CSMD1: variants seen among roughly 807,000 people sequenced by gnomAD.
The protein encoded by CSMD1 is CUB and Sushi multiple domains 1.
CSMD1 carries 213 observed loss-of-function variants against 417.5 expected under a neutral mutation model. That is an observed-to-expected ratio of 0.51 (90% CI 0.46 to 0.57). The LOEUF (loss-of-function observed/expected upper bound fraction) is 0.57, where lower values mean the gene tolerates loss of function less well. Ranked by LOEUF, CSMD1 falls within the 20% of genes least tolerant of loss-of-function variation. CSMD1 has a pLI of 0.00. For synonymous variants in CSMD1, 2,862 were observed against 1,736.8 expected, an observed-to-expected ratio of 1.65 and a Z score of -16.11; for missense variants, 6,923 against 4,529.7, an observed-to-expected ratio of 1.53 and a Z score of -15.17.
chr8:4,283,407 G>C (rs981503836), intron 3 of CSMD1, among the ~76,000 whole-genome samples: 3 of 152,128 alleles, frequency 2.0e-5, no homozygotes, highest in Non-Finnish European at 2.9e-5. Flanking sequence ...TTAATTCTAA[G>C]AACACATTCT....
intron 2 of CSMD1, among the ~76,000 whole-genome samples, chr8:4,502,571 A>C (rs1264349025): frequency 6.6e-6 from 1 of 152,168 alleles, no homozygotes; most frequent in Non-Finnish European, 1.5e-5. Context: ...TCAGACAAAA[A>C]ACTTGTTTAA....
chr8:4,793,595 T>C (rs539994705), intron 1 of CSMD1, among the ~76,000 whole-genome samples: 159 of 152,048 alleles, frequency 1.0e-3, no homozygotes, highest in Admixed American at 3.0e-3. Context: ...GTTTGAGGCA[T>C]TGCTCACTAT....
intron 1 of CSMD1, among the ~76,000 whole-genome samples, chr8:4,695,862 C>A (rs923473546): frequency 3.3e-5 from 5 of 152,068 alleles, no homozygotes; most frequent in Non-Finnish European, 7.4e-5. Flanking sequence ...GACTGGTGGC[C>A]CACCACTCTT....
At chr8:4,964,250 A>C (rs1212752102) in intron 1 of CSMD1, among the ~76,000 whole-genome samples, 1 of 152,098 alleles carries the variant, frequency 6.6e-6, no homozygotes, top group African/African-American at 2.4e-5. Context: ...ATGGTGGCTA[A>C]CACCTGTAAT....
chr8:3,223,683 G>T lies in CSMD1; in HGVS notation c.4484+46C>A, dbSNP rs768669509. ...ATAAAAGAAGTAATTTTTAGGTATG[G>T]AATTAAAAATCCTACTAAAAAGAGG... On this transcript the variant is annotated intron_variant, in intron 28 of 69. Transcript: ENST00000635120. The T allele has an allele frequency of 2.5e-6, 4 of 1,592,276 alleles. No individual in the cohort carries two copies. The African/African-American group carries it at 4.0e-5, about 16-fold the overall frequency.
chr8:4,413,860 T>C (rs1796785422), intron 3 of CSMD1, among the ~76,000 whole-genome samples: 5 of 152,174 alleles, frequency 3.3e-5, no homozygotes, highest in Admixed American at 2.0e-4. Flanking sequence ...GGAAGGAATG[T>C]GTTTACAGGA....
chr8:3,402,457 G>A (rs1445565833), intron 15 of CSMD1, among the ~76,000 whole-genome samples: 2 of 152,112 alleles, frequency 1.3e-5, no homozygotes, highest in East Asian at 3.9e-4. Flanking sequence ...CCACTGAGCT[G>A]CATTGAGGAA....
intron 3 of CSMD1, among the ~76,000 whole-genome samples, chr8:4,364,269 A>G (rs185263256): frequency 6.6e-6 from 1 of 152,318 alleles, no homozygotes; most frequent in African/African-American, 2.4e-5. Flanking sequence ...GGCAGAAAGG[A>G]TTACAACTTT....
At chr8:3,937,220 T>C (rs751109522) in intron 5 of CSMD1, among the ~76,000 whole-genome samples, 2 of 152,186 alleles carry the variant, frequency 1.3e-5, no homozygotes, top group African/African-American at 2.4e-5. Flanking sequence ...CAAAAGATTG[T>C]GATTATTTCA....
At chr8:4,628,417 T>TAC (rs1302775493) in intron 2 of CSMD1, among the ~76,000 whole-genome samples, 9 of 124,050 alleles carry the variant, frequency 7.3e-5, no homozygotes, top group African/African-American at 1.5e-4. Flanking sequence ...CACATATATA[T>TAC]ACATATATAT....
chr8:4,897,563 A>G (rs915076322), intron 1 of CSMD1, among the ~76,000 whole-genome samples: 1 of 152,084 alleles, frequency 6.6e-6, no homozygotes, highest in African/African-American at 2.4e-5. Flanking sequence ...ATAGATTGCA[A>G]TTTGTTACTC....
At chr8:4,251,159 G>C (rs951386930) in intron 3 of CSMD1, among the ~76,000 whole-genome samples, 1 of 151,876 alleles carries the variant, frequency 6.6e-6, no homozygotes, top group Non-Finnish European at 1.5e-5. Context: ...AGGTATACAA[G>C]GCCAATGAAG....
chr8:3,775,779 C>T (rs543579490), intron 5 of CSMD1, among the ~76,000 whole-genome samples: 7 of 152,284 alleles, frequency 4.6e-5, no homozygotes, highest in South Asian at 2.1e-4. Context: ...ACAAAAGGTC[C>T]ACGAAGCATT....
intron 1 of CSMD1, among the ~76,000 whole-genome samples, chr8:4,867,862 T>C (rs544356958): frequency 1.3e-5 from 2 of 152,246 alleles, no homozygotes; most frequent in African/African-American, 4.8e-5. Context: ...TTTTATATCA[T>C]TACAGTATTA....
At chr8:4,236,026 G>GC (rs1420352173) in intron 3 of CSMD1, among the ~76,000 whole-genome samples, 3,035 of 107,294 alleles carry the variant, frequency 0.028, 105 homozygotes, top group African/African-American at 0.059. Context: ...AATGGATATT[G>GC]TTTTTTTTGT....
At chr8:3,053,387 G>A (rs142153456) in intron 49 of CSMD1, among the ~76,000 whole-genome samples, 6 of 151,516 alleles carry the variant, frequency 4.0e-5, no homozygotes, top group African/African-American at 1.5e-4. Flanking sequence ...CTTTGGTGTC[G>A]AAATTCCTAA....
intron 5 of CSMD1, among the ~76,000 whole-genome samples, chr8:3,765,168 T>C (rs548093206): frequency 6.6e-6 from 1 of 152,210 alleles, no homozygotes; most frequent in Non-Finnish European, 1.5e-5. Flanking sequence ...TCATTTCTTA[T>C]CACGCCCTTT....
At chr8:4,072,270 T>C (rs1357802373) in intron 3 of CSMD1, among the ~76,000 whole-genome samples, 1 of 152,184 alleles carries the variant, frequency 6.6e-6, no homozygotes, top group Non-Finnish European at 1.5e-5. Flanking sequence ...TATTTGGCCA[T>C]CCTGAATTGC....
rs11414439 is a variant in CSMD1 at position 3,235,916 on chromosome 8, G to GTTTT, written c.4154-5689_4154-5686dup. On this transcript the variant is annotated intron_variant, in intron 26 of 69. Coordinates refer to ENST00000635120, the MANE Select transcript of CSMD1 (RefSeq NM_033225.6). ...TTATGCCAGTTATATGAAGATGTAA[G>GTTTT]TTTTTTTTTTTTTTTTTTTGAGACA... Among the ~76,000 whole-genome samples, 275 of 119,302 alleles carry GTTTT rather than the reference G, an allele frequency of 2.3e-3. 13 individuals are homozygous for GTTTT. The highest frequency in any genetic ancestry group is 6.4e-3 in the African/African-American group (202 of 31,702). 78.3% of individuals were successfully genotyped at this position (119,302 alleles called of 152,430 possible). A position where few individuals can be genotyped will look rare whatever the true frequency, so the allele number is the denominator to read the frequency against.
Sources: allele counts gnomAD v4.1 joint callset (sites outside exome capture counted in the v4.1 genomes callset), GRCh38; gene constraint gnomAD v4.1.1; transcripts MANE v1.5; gene names NCBI Gene and HGNC (gene_info 2026-07-23, HGNC 2026-07-21).